The following TNS4 variants were observed in gnomAD, a reference collection of about 807,000 sequenced individuals.
The protein encoded by TNS4 is tensin-4.
A neutral mutation model predicts 70.4 loss-of-function variants in TNS4; 46 were observed. The observed-to-expected ratio is 0.65, with a 90% CI of 0.52 to 0.84. The LOEUF is 0.84. Among genes scored for constraint, TNS4 ranks in the 40% least tolerant of loss-of-function variants. The pLI is 0.00. For synonymous variants in TNS4, 390 were observed against 366.6 expected, an observed-to-expected ratio of 1.06 and a Z score of -0.73; for missense variants, 863 against 907.0, an observed-to-expected ratio of 0.95 and a Z score of 0.62.
In TNS4 at chr17:40,478,631, T is replaced by C. The variant is rs1167442610; in HGVS notation, c.1928A>G (p.His643Arg). 2.5e-6 allele frequency: 4 copies of C among 1,613,986 alleles called. No homozygotes were observed. In the East Asian group the frequency reaches 6.7e-5, roughly 27 times the overall value. The change falls in exon 11 of 13, where the codon CAT becomes CGT. Residue 643 changes from histidine to arginine, a missense_variant. By Grantham distance (29) the His-to-Arg change is conservative (BLOSUM62 0). Coordinates refer to ENST00000254051, the MANE Select transcript of TNS4 (RefSeq NM_032865.6). ...DVQRKVFFRR[H>R]YPLTTLRFCG... The stretch of plus-strand genomic sequence containing the variant: ...GAAGCGGAGGGTGGTGAGTGGGTAA[T>C]GGCGCCGGAAAAACACCCTAGGAGG...
intron 2 of TNS4, among the ~76,000 whole-genome samples, chr17:40,494,271 A>G (rs1199601697): frequency 1.3e-5 from 2 of 152,052 alleles, no homozygotes; most frequent in Non-Finnish European, 2.9e-5. Flanking sequence ...TCCCCATAAC[A>G]CCCTTTGAGG....
chr17:40,495,128 T>C (rs2036126385), intron 2 of TNS4, among the ~76,000 whole-genome samples: 2 of 152,092 alleles, frequency 1.3e-5, no homozygotes, highest in African/African-American at 4.8e-5. Context: ...TTATGAATAA[T>C]TACATTATGT....
chr17:40,492,088 T>C (rs2036078243), intron 2 of TNS4, among the ~76,000 whole-genome samples: 1 of 152,136 alleles, frequency 6.6e-6, no homozygotes, highest in Non-Finnish European at 1.5e-5. Context: ...GGAAGGTTTG[T>C]GAAGCACCCA....
In TNS4 at chr17:40,484,542, G is replaced by A; in HGVS notation, c.1443C>T (p.Gly481=). 1 of 1,612,778 alleles carries A rather than the reference G, an allele frequency of 6.2e-7. No homozygotes were observed. Among genetic ancestry groups the A allele is most frequent in the Admixed American group, 1.7e-5 (1 of 60,012 alleles). ...FVIRDSSSYR[G]SFGLALKVQE... ...GCACCTTCAGGGCCAGGCCGAAGGA[G>A]CCTCGGTATGAAGAGCTGTCCCTTA... Residue 481 remains glycine, a synonymous_variant, in exon 6 of 13, where the codon GGC becomes GGT. Transcript: ENST00000254051.
chr17:40,495,969 T>C lies in TNS4; in HGVS notation c.439+18A>G, dbSNP rs748558277. 3 of 1,593,654 alleles carry C rather than the reference T, an allele frequency of 1.9e-6. No individual in the cohort carries two copies. The highest frequency in any genetic ancestry group is 1.7e-6 in the Non-Finnish European group (2 of 1,171,610). ...TGGCACCAAGCCCCCCTCCTGGTAC[T>C]GTGCCCCAAATCCTTACCCAAGGCT... On this transcript the variant is annotated intron_variant, in intron 2 of 12. Coordinates refer to ENST00000254051, the MANE Select transcript of TNS4 (RefSeq NM_032865.6).
At chr17:40,499,797 T>C (rs141759998) in intron 1 of TNS4, among the ~76,000 whole-genome samples, 35 of 152,364 alleles carry the variant, frequency 2.3e-4, no homozygotes, top group Admixed American at 5.2e-4. Context: ...GGACAGGATC[T>C]GGGCGCTCCC....
In TNS4 at chr17:40,487,308, G is replaced by A; in HGVS notation, c.1016C>T (p.Thr339Ile). 1 of 1,614,178 alleles carries A rather than the reference G, an allele frequency of 6.2e-7. No individual in the cohort carries two copies. Among genetic ancestry groups the A allele is most frequent in the East Asian group, 2.2e-5 (1 of 44,884 alleles). Residue 339 changes from threonine to isoleucine, a missense_variant, in exon 4 of 13, where the codon ACC becomes ATC. Physicochemically the swap from Thr to Ile is moderately conservative, Grantham distance 89. Coordinates refer to ENST00000254051, the MANE Select transcript of TNS4 (RefSeq NM_032865.6). ...PSDFQAPRNP[T>I]LTMGQPRTPH... ...TGTTCTGGGTTGGCCCATGGTTAGG[G>A]TGGGGTTTCTGGGAGCCTGGAAGTC...
At chr17:40,486,980 G>T in intron 4 of TNS4, 56 bp downstream of exon 4, 2 of 1,585,696 alleles carry the variant, frequency 1.3e-6, no homozygotes. Context: ...AAACCCACTG[G>T]CACTTTGTCT....
At chr17:40,491,360 CTG>C (rs2036063987) in intron 2 of TNS4, among the ~76,000 whole-genome samples, 1 of 152,164 alleles carries the variant, frequency 6.6e-6, no homozygotes, top group Non-Finnish European at 1.5e-5. Flanking sequence ...CATGACAACT[CTG>C]TGGAAGTAGG....
At chr17:40,498,597 C>A (rs984017156) in intron 1 of TNS4, among the ~76,000 whole-genome samples, 1 of 152,106 alleles carries the variant, frequency 6.6e-6, no homozygotes, top group African/African-American at 2.4e-5. Context: ...CGCTCTGTTG[C>A]CCAGGCTAGA....
intron 6 of TNS4, 44 bp downstream of exon 6, chr17:40,484,439 GC>G (rs776077109): frequency 1.3e-6 from 2 of 1,597,166 alleles, no homozygotes; most frequent in Non-Finnish European, 1.7e-6. Context: ...ACCACACCCC[GC>G]TGCCTCAGTG....
chr17:40,482,553 G>T, intron 6 of TNS4, 137 bp from the exon 7 acceptor site: 1 of 658,164 alleles, frequency 1.5e-6, no homozygotes, highest in Non-Finnish European at 2.7e-6. Context: ...AGATCAGCCT[G>T]ACCCACATGG....
At chr17:40,479,160 T>C (rs866322060) in intron 10 of TNS4, among the ~76,000 whole-genome samples, 1 of 152,126 alleles carries the variant, frequency 6.6e-6, no homozygotes, top group Non-Finnish European at 1.5e-5. Flanking sequence ...CCTTCCTTCC[T>C]TTTTTGAGAT....
At chr17:40,495,078 A>T (rs1221578017) in intron 2 of TNS4, among the ~76,000 whole-genome samples, 2 of 151,932 alleles carry the variant, frequency 1.3e-5, no homozygotes. Context: ...TGATTGTTAA[A>T]TTTTCAGGAT....
At position 40,496,295 on chromosome 17, in the gene TNS4, G is replaced by T. The variant is rs367849357; in HGVS notation, c.131C>A (p.Thr44Asn). 3.9e-5 allele frequency: 63 copies of T among 1,612,822 alleles called. No individual in the cohort carries two copies. The highest frequency in any genetic ancestry group is 4.9e-5 in the Non-Finnish European group (58 of 1,179,530). Residue 44 changes from threonine to asparagine, a missense_variant, in exon 2 of 13, where the codon ACC (threonine) becomes AAC (asparagine). Thr to Asn is a moderately conservative substitution (Grantham distance 65, BLOSUM62 0). Transcript: ENST00000254051. Reference sequence around the variant, plus strand: ...GGCCTGGGCTCCCCAGCCTTCCGTGGTGTAGTAAGAACACTGGGGTGGCAG... The same window carrying T: ...GGCCTGGGCTCCCCAGCCTTCCGTGTTGTAGTAAGAACACTGGGGTGGCAG... Reference protein sequence around the residue: ...PSLPPQCSYYTTEGWGAQALM... With the variant: ...PSLPPQCSYYNTEGWGAQALM...
intron 1 of TNS4, among the ~76,000 whole-genome samples, chr17:40,499,715 C>T (rs967150066): frequency 1.3e-5 from 2 of 152,234 alleles, no homozygotes; most frequent in Non-Finnish European, 2.9e-5. Flanking sequence ...CCCGCCCTCC[C>T]GGGACAGCTG....
Position 40,488,596 on chromosome 17 carries a change from G to A in TNS4, c.813C>T (p.Ile271=). The change falls in exon 3 of 13, where the codon ATC becomes ATT. Residue 271 remains isoleucine, a synonymous_variant. Coordinates refer to ENST00000254051, the MANE Select transcript of TNS4 (RefSeq NM_032865.6). ...ACACTGGGCTGGCTGACAGCACAGA[G>A]ATCCTGCTGCCCCGCTGTGGGGCCA... ...GGLAPQRGSR[I]SVLSASPVSD... is the part of the protein sequence containing the mutation. The A allele has an allele frequency of 4.0e-6, 6 of 1,514,408 alleles. No individual in the cohort carries two copies. The highest frequency in any genetic ancestry group is 5.3e-6 in the Non-Finnish European group (6 of 1,131,452). The allele number at this position is 1,514,408 out of a possible 1,614,324, so 93.8% of individuals were successfully genotyped here. A position where few individuals can be genotyped will look rare whatever the true frequency, so the allele number is the denominator to read the frequency against.
intron 1 of TNS4, among the ~76,000 whole-genome samples, chr17:40,498,486 T>C (rs370244255): frequency 5.3e-5 from 8 of 152,308 alleles, no homozygotes; most frequent in African/African-American, 1.9e-4. Context: ...TGCCAAATAG[T>C]TTACATACGA....
In TNS4 at chr17:40,477,519, C is replaced by A. The variant is rs74688219; in HGVS notation, c.*69G>T. 15 of 1,587,646 alleles carry A rather than the reference C, an allele frequency of 9.4e-6. No homozygotes were observed. The East Asian group carries it at 3.4e-4, about 36-fold the overall frequency. ...AATATGGCCACAAGCCACACCCATT[C>A]AGGGGGTGGAGGGGGGCTCCTTAGC... On this transcript the variant is annotated 3_prime_UTR_variant, in exon 13 of 13. Transcript: ENST00000254051.
Sources: gnomAD v4.1 joint callset for allele counts (sites outside exome capture counted in the v4.1 genomes callset) on GRCh38, gnomAD v4.1.1 for gene constraint, MANE v1.5 for transcripts, NCBI Gene and HGNC (gene_info 2026-07-23, HGNC 2026-07-21) for gene names.